The following PZP variants were observed in gnomAD, a reference collection of about 807,000 sequenced individuals.
PZP encodes the protein PZP alpha-2-macroglobulin like.
PZP carries 150 observed loss-of-function variants against 179.8 expected under a neutral mutation model. That is an observed-to-expected ratio of 0.83 (90% CI 0.73 to 0.96). The LOEUF (loss-of-function observed/expected upper bound fraction) is 0.96, where lower values mean the gene tolerates loss of function less well. PZP is among the 40% of genes least tolerant of loss of function. PZP has a pLI of 0.00. For missense variants in PZP, 1,689 were observed against 1,764.0 expected, an observed-to-expected ratio of 0.96 and a Z score of 0.76; for synonymous variants, 624 against 652.3, an observed-to-expected ratio of 0.96 and a Z score of 0.66.
At chr12:9,203,303 AT>A (rs1195278733) in intron 2 of PZP, among the ~76,000 whole-genome samples, 1 of 134,932 alleles carries the variant, frequency 7.4e-6, no homozygotes, top group Non-Finnish European at 1.6e-5. Flanking sequence ...AAAACTCACT[AT>A]TTTTAGTCCT....
In PZP at chr12:9,154,797, G is replaced by C; in HGVS notation, c.3593C>G (p.Pro1198Arg). The C allele has an allele frequency of 6.2e-7, 1 of 1,614,150 alleles. No individual in the cohort carries two copies. The highest frequency in any genetic ancestry group is 8.5e-7 in the Non-Finnish European group (1 of 1,180,026). ...HWERPQRPKA[P>R]VGHLYQTQAP... ...CTGGGTTTGGTAAAGATGCCCCACT[G>C]GTGCCTTGGGTCTCTGAGGGCGCTC... The change falls in exon 29 of 36, where the codon CCA becomes CGA. Residue 1198 changes from proline (P) to arginine (R), a missense_variant. By Grantham distance (103) the Pro-to-Arg change is moderately radical (BLOSUM62 -2). Around this residue, in one of 3 missense-constraint regions of PZP, gnomAD observed 746 missense variants for 749.2 expected, o/e 1.00. Coordinates refer to ENST00000261336, the MANE Select transcript of PZP (RefSeq NM_002864.3).
intron 26 of PZP, 57 bp downstream of exon 26, chr12:9,158,363 C>T (rs7298673): frequency 0.92 from 1,462,852 of 1,594,454 alleles, 673,797 homozygotes; most frequent in East Asian, 0.96. Flanking sequence ...CTCCCTTCAC[C>T]CCTGGGGGAT....
At chr12:9,141,880 A>G in the PZP span, among the ~76,000 whole-genome samples, 7 of 152,202 alleles carry the variant, frequency 4.6e-5, no homozygotes, top group Non-Finnish European at 7.4e-5. Flanking sequence ...ATTTAACTCC[A>G]TGTGTCCTAG....
In PZP at chr12:9,196,613, T is replaced by C; in HGVS notation, c.940A>G (p.Met314Val). 6.2e-7 allele frequency: 1 copy of C among 1,613,768 alleles called. No individual in the cohort carries two copies. Among genetic ancestry groups the C allele is most frequent in the Non-Finnish European group, 8.5e-7 (1 of 1,179,658 alleles). ...ATCCTGGCTTCCACTCTAAGCTTCA[T>C]TTCAAAGCCCGTATTTGTAATCTGG... is the stretch of plus-strand genomic sequence containing the variant. ...MLQITNTGFE[M>V]KLRVEARIRE... Residue 314 changes from methionine (M) to valine (V), a missense_variant, in exon 9 of 36, where the codon ATG becomes GTG. Coordinates refer to ENST00000261336, the MANE Select transcript of PZP (RefSeq NM_002864.3).
intron 28 of PZP, chr12:9,155,985 T>A (rs1436495619): frequency 6.0e-6 from 1 of 167,900 alleles, no homozygotes; most frequent in East Asian, 1.8e-4. Context: ...TTTTCACCAA[T>A]AAAGAACTGG....
At position 9,149,030 on chromosome 12, in the gene PZP, A is replaced by G. The variant is rs113137234; in HGVS notation, c.4427-36T>C. The G allele has an allele frequency of 1.0e-4, 166 of 1,594,518 alleles. 2 individuals carry two copies. The African/African-American group carries it at 1.8e-3, about 17-fold the overall frequency. On this transcript the variant is annotated intron_variant, in intron 35 of 35. Transcript: ENST00000261336. ...AAGAAAAACGTAAGGAGGTTGTATCATTTCCTGAGGAGCATTCAGTTGAGT... is the reference window on the plus strand; with the variant it reads ...AAGAAAAACGTAAGGAGGTTGTATCGTTTCCTGAGGAGCATTCAGTTGAGT...
chr12:9,165,013 A>C, intron 19 of PZP, 126 bp downstream of exon 19: 1 of 1,154,338 alleles, frequency 8.7e-7, no homozygotes, highest in Non-Finnish European at 1.3e-6. Context: ...CATAGCACTA[A>C]TTATTCACAG....
At chr12:9,205,634 A>G (rs1328687484) in intron 1 of PZP, among the ~76,000 whole-genome samples, 3 of 152,242 alleles carry the variant, frequency 2.0e-5, no homozygotes, top group African/African-American at 7.2e-5. Context: ...TCAGTGATTC[A>G]TGATTCAATA....
chr12:9,194,576 T>C (rs959248164), intron 10 of PZP, among the ~76,000 whole-genome samples: 3 of 150,568 alleles, frequency 2.0e-5, no homozygotes, highest in South Asian at 2.2e-4. Context: ...GCCATTCTCC[T>C]GCCTCAGCCT....
At chr12:9,197,149 A>G (rs1310084003) in intron 7 of PZP, 26 bp from the exon 8 acceptor site, 1 of 1,482,368 alleles carries the variant, frequency 6.7e-7, no homozygotes, top group East Asian at 2.3e-5. Flanking sequence ...TAAATCAGGA[A>G]TTGAGAATGG....
chr12:9,147,982 G>T (rs1940099143), downstream of PZP, among the ~76,000 whole-genome samples: 2 of 150,940 alleles, frequency 1.3e-5, no homozygotes, highest in African/African-American at 4.9e-5. Flanking sequence ...TGTCATTCTT[G>T]CCTCTTCTCA....
chr12:9,148,626 G>A (rs958137628), downstream of PZP, among the ~76,000 whole-genome samples: 1 of 151,816 alleles, frequency 6.6e-6, no homozygotes, highest in Non-Finnish European at 1.5e-5. Flanking sequence ...ATATTACCAC[G>A]TTTATATTAT....
chr12:9,202,764 A>C, intron 2 of PZP, 80 bp from the exon 3 acceptor site: 2 of 1,372,116 alleles, frequency 1.5e-6, no homozygotes, highest in South Asian at 1.4e-5. Context: ...GCTATTTCCT[A>C]TCTCTCCTTC....
chr12:9,205,111 G>T (rs1944382851), intron 1 of PZP, among the ~76,000 whole-genome samples: 1 of 151,934 alleles, frequency 6.6e-6, no homozygotes, highest in Non-Finnish European at 1.5e-5. Context: ...ACAAAACAAA[G>T]TTTATATGAG....
chr12:9,195,506 CCATTATAACTCACAGCAG>C (rs1201253359), intron 10 of PZP, among the ~76,000 whole-genome samples: 1 of 151,630 alleles, frequency 6.6e-6, no homozygotes, highest in East Asian at 1.9e-4. Context: ...TGCAGTGGTG[CCATTATAACTCACAGCAG>C]CATCGAAGTT....
the PZP span, among the ~76,000 whole-genome samples, chr12:9,139,217 A>G: frequency 1.3e-5 from 2 of 151,936 alleles, no homozygotes; most frequent in Non-Finnish European, 1.5e-5. Context: ...TTTAATATCT[A>G]TGTATTTTTT....
intron 11 of PZP, 148 bp downstream of exon 11, chr12:9,193,929 A>T: frequency 2.6e-6 from 2 of 758,712 alleles, no homozygotes; most frequent in Non-Finnish European, 3.9e-6. Context: ...ATTGTTTTTC[A>T]TGAAATTCTA....
intron 13 of PZP, among the ~76,000 whole-genome samples, chr12:9,183,602 A>G (rs1432678382): frequency 6.6e-6 from 1 of 152,074 alleles, no homozygotes; most frequent in African/African-American, 2.4e-5. Context: ...GGATCTTGCT[A>G]TGTAGCCCAG....
Position 9,161,118 on chromosome 12 carries a change from T to C in PZP, c.2789-2A>G. 1 of 1,561,608 alleles carries C rather than the reference T, an allele frequency of 6.4e-7. No individual in the cohort carries two copies. Among genetic ancestry groups the C allele is most frequent in the South Asian group, 1.1e-5 (1 of 87,216 alleles). On this transcript the variant is annotated splice_acceptor_variant, in intron 22 of 35. Transcript: ENST00000261336. LOFTEE classifies it high-confidence loss of function. ...ACAACTGCTCAGACACATTAGCACC[T>C]TTAGAAACAGACAGCCCATGTTAAA...
Sources: allele counts gnomAD v4.1 joint callset (sites outside exome capture counted in the v4.1 genomes callset), GRCh38; gene constraint gnomAD v4.1.1; regional missense constraint gnomAD v4.1.1; transcripts MANE v1.5; gene names NCBI Gene and HGNC (gene_info 2026-07-23, HGNC 2026-07-21).